Variants in ARHGEF28 observed in about 807,000 individuals in gnomAD.
The protein encoded by ARHGEF28 is Rho guanine nucleotide exchange factor 28, also known as 190 kDa guanine nucleotide exchange factor.
In ARHGEF28, 152 loss-of-function variants were observed where a neutral mutation model predicts 206.6. The observed-to-expected ratio is 0.74, with a 90% confidence interval of 0.64 to 0.84. The LOEUF (loss-of-function observed/expected upper bound fraction) is 0.84. Among genes scored for constraint, ARHGEF28 ranks in the 40% least tolerant of loss-of-function variants. The pLI is 0.00. For synonymous variants in ARHGEF28, 763 were observed against 776.4 expected (o/e 0.98, Z 0.29); for missense variants, 2,028 against 2,073.2 (o/e 0.98, Z 0.42).
At chr5:73,853,918 C>T (rs1034128152) in intron 14 of ARHGEF28, among the ~76,000 whole-genome samples, 5 of 151,970 alleles carry the variant, frequency 3.3e-5, no homozygotes, top group Non-Finnish European at 5.9e-5. Context: ...GATTTAAGAC[C>T]GAAGGAGCCA....
chr5:73,659,098 C>G (rs1275389260), intron 1 of ARHGEF28, among the ~76,000 whole-genome samples: 1 of 151,958 alleles, frequency 6.6e-6, no homozygotes, highest in East Asian at 1.9e-4. Context: ...CTTCTGTGTT[C>G]CCATCTTTGA....
chr5:73,861,389 TA>T (rs1206480929), intron 16 of ARHGEF28, among the ~76,000 whole-genome samples: 3 of 152,248 alleles, frequency 2.0e-5, no homozygotes, highest in African/African-American at 7.2e-5. Flanking sequence ...CTTTTTATAA[TA>T]TTACCACTTA....
intron 4 of ARHGEF28, among the ~76,000 whole-genome samples, chr5:73,768,249 G>A (rs1753018263): frequency 6.6e-6 from 1 of 152,106 alleles, no homozygotes; most frequent in South Asian, 2.1e-4. Flanking sequence ...CTGCCTAGTG[G>A]AGCTGTGAGA....
At chr5:73,813,782 C>T (rs149335773) in intron 9 of ARHGEF28, 92 of 1,217,328 alleles carry the variant, frequency 7.6e-5, no homozygotes, top group Admixed American at 3.6e-4. Flanking sequence ...CGTGTTTATA[C>T]GTGCCTTTAT....
Position 73,797,252 on chromosome 5 carries a change from T to G in ARHGEF28, c.1024+1861T>G, listed in dbSNP as rs1376815432. Among the ~76,000 whole-genome samples the G allele has an allele frequency of 2.7e-5, 4 of 149,894 alleles. No individual in the cohort carries two copies. In the East Asian group the frequency reaches 7.8e-4, roughly 29 times the overall value. On this transcript the variant is annotated intron_variant, in intron 9 of 35. Transcript: ENST00000513042. ...GAATTAATAAAGTCCCCTGAGTTTTTGCAAAGGAAATTATAACAGATTTTC... is the reference window on the plus strand; with the variant it reads ...GAATTAATAAAGTCCCCTGAGTTTTGGCAAAGGAAATTATAACAGATTTTC...
chr5:73,825,857 G>T (rs1007582151), intron 9 of ARHGEF28, among the ~76,000 whole-genome samples: 1 of 152,130 alleles, frequency 6.6e-6, no homozygotes, highest in Non-Finnish European at 1.5e-5. Context: ...ATGACTGCTA[G>T]AACAACTAGG....
intron 11 of ARHGEF28, among the ~76,000 whole-genome samples, chr5:73,842,574 T>C (rs1758052288): frequency 6.6e-6 from 1 of 152,262 alleles, no homozygotes; most frequent in Admixed American, 6.5e-5. Flanking sequence ...TAATTTGAAC[T>C]GTCCACACGT....
chr5:73,926,050 C>T (rs1213216720), intron 35 of ARHGEF28, among the ~76,000 whole-genome samples: 1 of 152,204 alleles, frequency 6.6e-6, no homozygotes, highest in Non-Finnish European at 1.5e-5. Flanking sequence ...ATTGTCCTGA[C>T]TACAAACCTC....
chr5:73,749,819 G>A lies in ARHGEF28; in HGVS notation c.34-18G>A, dbSNP rs370029687. 207 of 1,613,396 alleles carry A rather than the reference G, an allele frequency of 1.3e-4. No individual in the cohort carries two copies. The highest frequency in any genetic ancestry group is 5.2e-4 in the African/African-American group (39 of 74,910). ...GGACAAGGAAGTCTGACAATGCCCC[G>A]ACTTATTCCTTTTTCAGGGGCAGAT... On this transcript the variant is annotated intron_variant, in intron 2 of 35. Coordinates refer to ENST00000513042, the MANE Select transcript of ARHGEF28 (RefSeq NM_001177693.2).
intron 35 of ARHGEF28, among the ~76,000 whole-genome samples, chr5:73,919,606 C>T (rs748518924): frequency 1.3e-5 from 2 of 152,166 alleles, no homozygotes; most frequent in Non-Finnish European, 2.9e-5. Flanking sequence ...AAATATACCC[C>T]CAGGAAGACT....
At chr5:73,844,865 A>C (rs1758219583) in intron 11 of ARHGEF28, among the ~76,000 whole-genome samples, 1 of 151,378 alleles carries the variant, frequency 6.6e-6, no homozygotes, top group Non-Finnish European at 1.5e-5. Context: ...GAGTCGTTTA[A>C]AACGTAATGT....
At chr5:73,912,071 T>TA (rs200945214) in intron 35 of ARHGEF28, among the ~76,000 whole-genome samples, 2,308 of 139,862 alleles carry the variant, frequency 0.017, 54 homozygotes, top group East Asian at 0.1. Context: ...TTTGTCATTG[T>TA]AAAAAAAAAA....
intron 11 of ARHGEF28, among the ~76,000 whole-genome samples, chr5:73,844,704 T>G (rs1214344547): frequency 2.0e-5 from 3 of 148,318 alleles, no homozygotes; most frequent in East Asian, 1.9e-4. Flanking sequence ...GGTTCTTGTA[T>G]TTCAAAATCA....
intron 1 of ARHGEF28, among the ~76,000 whole-genome samples, chr5:73,675,915 A>G (rs910509790): frequency 6.6e-6 from 1 of 151,726 alleles, no homozygotes; most frequent in Non-Finnish European, 1.5e-5. Flanking sequence ...ATATTTTTCA[A>G]TTTTGTGGTA....
intron 1 of ARHGEF28, among the ~76,000 whole-genome samples, chr5:73,659,003 A>ACC (rs1745416636): frequency 1.3e-5 from 2 of 149,594 alleles, no homozygotes; most frequent in African/African-American, 5.0e-5. Flanking sequence ...ACACACACAC[A>ACC]CACCACACTC....
Position 73,710,795 on chromosome 5 carries a change from C to T in ARHGEF28, c.33+25911C>T, listed in dbSNP as rs148812017. Among the ~76,000 whole-genome samples the T allele has an allele frequency of 1.3e-3, 194 of 152,184 alleles. 1 individual carries two copies. The East Asian group carries it at 0.019, about 15-fold the overall frequency. ...TTGGCTCACTGAAGCCTCTGCCTCG[C>T]GGGTTCAAGTGATTCTACCACCTCA... On this transcript the variant is annotated intron_variant, in intron 2 of 35. Coordinates refer to ENST00000513042, the MANE Select transcript of ARHGEF28 (RefSeq NM_001177693.2).
chr5:73,772,456 G>T (rs1753273323), intron 4 of ARHGEF28, among the ~76,000 whole-genome samples: 1 of 152,208 alleles, frequency 6.6e-6, no homozygotes, highest in South Asian at 2.1e-4. Flanking sequence ...TCCACTCACT[G>T]CAACCTCTGC....
chr5:73,763,225 T>G (rs1030476957), intron 4 of ARHGEF28, among the ~76,000 whole-genome samples: 1 of 152,238 alleles, frequency 6.6e-6, no homozygotes, highest in Non-Finnish European at 1.5e-5. Context: ...TTTATCCCAT[T>G]TACCTTCCTC....
chr5:73,701,362 A>G (rs910428104), intron 2 of ARHGEF28, among the ~76,000 whole-genome samples: 1 of 152,146 alleles, frequency 6.6e-6, no homozygotes, highest in African/African-American at 2.4e-5. Flanking sequence ...AAAGGGGTAA[A>G]AAATAAGCCA....
Sources: gnomAD v4.1 joint callset for allele counts (sites outside exome capture counted in the v4.1 genomes callset) on GRCh38, gnomAD v4.1.1 for gene constraint, MANE v1.5 for transcripts, NCBI Gene and HGNC (gene_info 2026-07-23, HGNC 2026-07-21) for gene names.